The following MSH6 variants were observed in gnomAD, a reference collection of about 807,000 sequenced individuals.
MSH6 encodes the protein DNA mismatch repair protein Msh6.
In MSH6, 85 loss-of-function variants were observed where a neutral mutation model predicts 119.1. The ratio of observed to expected loss-of-function variants is 0.71; its 90% CI spans 0.60 to 0.85. MSH6 has a LOEUF of 0.85. MSH6 is among the 40% of genes least tolerant of loss of function. MSH6 has a pLI of 0.00. For synonymous variants in MSH6, 830 were observed against 586.9 expected (o/e 1.41, Z -5.99); for missense variants, 2,163 against 1,655.3 (o/e 1.31, Z -5.32).
intron 6 of MSH6, among the ~76,000 whole-genome samples, 156 bp downstream of exon 6, chr2:47,805,183 CTTTTT>C (rs35781475): frequency 1.4e-5 from 2 of 141,138 alleles, no homozygotes; most frequent in African/African-American, 5.3e-5. Context: ...GTCTCTCTCT[CTTTTT>C]TTTTTTTTTG....
intron 9 of MSH6, 25 bp downstream of exon 9, chr2:47,806,676 T>C (rs960577176): frequency 1.9e-6 from 3 of 1,596,644 alleles, no homozygotes; most frequent in Non-Finnish European, 2.6e-6. Flanking sequence ...ATAATGGAAT[T>C]ATAACTAACT....
In MSH6 at chr2:47,799,151, G is replaced by A. The variant is rs147737737; in HGVS notation, c.1168G>A (p.Asp390Asn). The stretch of plus-strand genomic sequence containing the variant: ...GCACAGGAGGAGGCCTGATCACCCC[G>A]ATTTTGATGCATCTACACTCTATGT... ...DEHRRRPDHP[D>N]FDASTLYVPE... Residue 390 changes from aspartate to asparagine, a missense_variant, in exon 4 of 10, where the codon GAT (aspartate) becomes AAT (asparagine). Coordinates refer to ENST00000234420, the MANE Select transcript of MSH6 (RefSeq NM_000179.3). The A allele has an allele frequency of 6.8e-6, 11 of 1,613,720 alleles. No homozygotes were observed. Among genetic ancestry groups the A allele is most frequent in the African/African-American group, 2.7e-5 (2 of 74,836 alleles).
At chr2:47,783,629 T>G (rs1668152815) in intron 1 of MSH6, 136 bp downstream of exon 1, 2 of 888,166 alleles carry the variant, frequency 2.3e-6, no homozygotes, top group Non-Finnish European at 3.2e-6. Context: ...GGCCGCAGAG[T>G]TGGCTTGAAT....
At chr2:47,804,006 GA>G (rs1669793960) in intron 5 of MSH6, among the ~76,000 whole-genome samples, 1 of 152,212 alleles carries the variant, frequency 6.6e-6, no homozygotes, top group African/African-American at 2.4e-5. Flanking sequence ...ATGAAAAGAT[GA>G]AAATGTTACA....
chr2:47,801,749 C>A (rs1015717478), intron 4 of MSH6, among the ~76,000 whole-genome samples: 1 of 152,080 alleles, frequency 6.6e-6, no homozygotes, highest in Admixed American at 6.6e-5. Flanking sequence ...ACAGACCTCT[C>A]GTGTCAGCCT....
At chr2:47,797,281 C>A (rs192925914) in intron 3 of MSH6, among the ~76,000 whole-genome samples, 5 of 152,332 alleles carry the variant, frequency 3.3e-5, no homozygotes, top group Admixed American at 1.3e-4. Context: ...AGCTCAGTTT[C>A]ATGTTTTGTT....
At chr2:47,783,762 G>A (rs987102363) in intron 1 of MSH6, 7 of 436,806 alleles carry the variant, frequency 1.6e-5, no homozygotes, top group Non-Finnish European at 2.4e-5. Context: ...TTGGAGGGAG[G>A]AGACGCGTCC....
chr2:47,786,753 T>C (rs938320023), intron 1 of MSH6, among the ~76,000 whole-genome samples: 2 of 152,154 alleles, frequency 1.3e-5, no homozygotes, highest in Non-Finnish European at 2.9e-5. Context: ...CATTTGTGTG[T>C]GATATAAATG....
intron 1 of MSH6, among the ~76,000 whole-genome samples, chr2:47,786,401 C>G (rs1440142161): frequency 6.6e-6 from 1 of 150,770 alleles, no homozygotes; most frequent in Non-Finnish European, 1.5e-5. Context: ...GTGGTGTGGT[C>G]TCAGCTCACT....
At position 47,806,690 on chromosome 2, in the gene MSH6, C is replaced by G. The variant is rs201482798; in HGVS notation, c.4001+39C>G. ...TATAATGGAATTATAACTAACTGAC[C>G]TTAAGTTTCAAAGAAACAGTAAAAG... On this transcript the variant is annotated intron_variant, in intron 9 of 9. Transcript: ENST00000234420. The G allele has an allele frequency of 6.6e-4, 1,043 of 1,590,312 alleles. 5 individuals carry two copies. The highest frequency in any genetic ancestry group is 5.6e-3 in the South Asian group (502 of 90,276).
chr2:47,805,526 T>C, intron 6 of MSH6, 92 bp from the exon 7 acceptor site: 1 of 875,306 alleles, frequency 1.1e-6, no homozygotes, highest in South Asian at 1.3e-5. Flanking sequence ...TACCAATATG[T>C]GTAGCTCATG....
At chr2:47,808,317 T>C (rs370468658), downstream of MSH6, 156 of 1,612,340 alleles carry the variant, frequency 9.7e-5, no homozygotes, top group Non-Finnish European at 1.1e-4. Flanking sequence ...ATCAAGCAAG[T>C]GTGCTACATA....
chr2:47,798,571 A>T (rs1669234304), intron 3 of MSH6, 40 bp from the exon 4 acceptor site: 1 of 1,600,132 alleles, frequency 6.2e-7, no homozygotes, highest in African/African-American at 1.3e-5. Flanking sequence ...GGTTTTCCAA[A>T]TTTTGATTTG....
At chr2:47,809,547 T>G (rs980579180), downstream of MSH6, 4 of 1,310,096 alleles carry the variant, frequency 3.1e-6, no homozygotes, top group East Asian at 4.6e-5. Flanking sequence ...GGCTTCTGAT[T>G]ATCTTTCATG....
rs876661253 is a variant in MSH6, at chr2:47,798,775, A to C, written c.792A>C (p.Glu264Asp). 1 of 1,614,082 alleles carries C rather than the reference A, an allele frequency of 6.2e-7. No individual in the cohort carries two copies. The highest frequency in any genetic ancestry group is 1.3e-5 in the African/African-American group (1 of 74,928). Residue 264 changes from glutamate to aspartate, a missense_variant, in exon 4 of 10, where the codon GAA (glutamate) becomes GAC (aspartate). Coordinates refer to ENST00000234420, the MANE Select transcript of MSH6 (RefSeq NM_000179.3). ...GTGACATTGGTGGCTCTGATGTGGAATTTAAGCCAGACACTAAGGAGGAAG... is the reference window on the plus strand; with the variant it reads ...GTGACATTGGTGGCTCTGATGTGGACTTTAAGCCAGACACTAAGGAGGAAG... ...SESDIGGSDV[E>D]FKPDTKEEGS...
At chr2:47,791,824 C>T (rs1031665519) in intron 2 of MSH6, among the ~76,000 whole-genome samples, 2 of 151,516 alleles carry the variant, frequency 1.3e-5, no homozygotes, top group African/African-American at 2.4e-5. Context: ...ATTATAGGCA[C>T]ACGCCACGTT....
intron 3 of MSH6, chr2:47,797,866 G>A (rs1669191649): frequency 8.5e-6 from 2 of 235,598 alleles, no homozygotes. Flanking sequence ...CAAAATGCTT[G>A]CATCTCTTAA....
At chr2:47,791,739 C>T (rs1052725101) in intron 2 of MSH6, among the ~76,000 whole-genome samples, 3 of 147,778 alleles carry the variant, frequency 2.0e-5, no homozygotes, top group South Asian at 2.1e-4. Flanking sequence ...AGTGCAGTGG[C>T]GCAATCTCGG....
chr2:47,783,910 CGGGGTGG>C, intron 1 of MSH6: 1 of 724,162 alleles, frequency 1.4e-6, no homozygotes, highest in African/African-American at 6.9e-5. Context: ...GGGCGGGGGG[CGGGGTGG>C]CGGGAAGGAG....
Sources: gnomAD v4.1 joint callset for allele counts (sites outside exome capture counted in the v4.1 genomes callset) on GRCh38, gnomAD v4.1.1 for gene constraint, MANE v1.5 for transcripts, NCBI Gene and HGNC (gene_info 2026-07-23, HGNC 2026-07-21) for gene names.